Variants in FAM135B observed in about 807,000 individuals in gnomAD.
FAM135B encodes the protein family with sequence similarity 135 member B, also known as protein FAM135B.
In FAM135B, 43 loss-of-function variants were observed where a neutral mutation model predicts 127.7. That is an observed-to-expected ratio of 0.34 (90% CI 0.26 to 0.43). The LOEUF (loss-of-function observed/expected upper bound fraction) is 0.43, where lower values mean the gene tolerates loss of function less well. Ranked by LOEUF, FAM135B falls within the 20% of genes least tolerant of loss-of-function variation. The pLI is 1.00. For synonymous variants in FAM135B, 670 were observed against 665.1 expected, an observed-to-expected ratio of 1.01 and a Z score of -0.11; for missense variants, 1,558 against 1,725.6, an observed-to-expected ratio of 0.90 and a Z score of 1.72.
intron 1 of FAM135B, among the ~76,000 whole-genome samples, chr8:138,384,147 G>A (rs1379789108): frequency 2.0e-5 from 3 of 152,292 alleles, no homozygotes; most frequent in Non-Finnish European, 2.9e-5. Flanking sequence ...TGGATGTCCG[G>A]TGCATAGCAT....
At chr8:138,158,884 C>T (rs1181353421) in intron 12 of FAM135B, among the ~76,000 whole-genome samples, 11 of 152,122 alleles carry the variant, frequency 7.2e-5, no homozygotes, top group Non-Finnish European at 8.8e-5. Flanking sequence ...GACAGTGTGG[C>T]GATTCCTCAA....
chr8:138,239,691 C>T (rs1158997320), intron 7 of FAM135B, among the ~76,000 whole-genome samples: 1 of 152,180 alleles, frequency 6.6e-6, no homozygotes, highest in African/African-American at 2.4e-5. Context: ...TATAAAGACA[C>T]ATGCACATGT....
chr8:138,210,977 A>G (rs1042280068), intron 7 of FAM135B, among the ~76,000 whole-genome samples: 3 of 152,076 alleles, frequency 2.0e-5, no homozygotes, highest in Non-Finnish European at 4.4e-5. Flanking sequence ...TCAAAATTGG[A>G]CCATCAGTAT....
At chr8:138,469,547 A>G (rs1837564834) in intron 1 of FAM135B, among the ~76,000 whole-genome samples, 1 of 152,194 alleles carries the variant, frequency 6.6e-6, no homozygotes, top group Admixed American at 6.5e-5. Flanking sequence ...GAAAGCATTA[A>G]GCTCACCTAT....
intron 3 of FAM135B, among the ~76,000 whole-genome samples, chr8:138,299,492 G>A (rs1825716200): frequency 6.6e-6 from 1 of 152,106 alleles, no homozygotes; most frequent in Non-Finnish European, 1.5e-5. Context: ...GTTTGCCTTG[G>A]CTGCCAACGG....
chr8:138,416,765 C>CTCCAA lies in FAM135B; in HGVS notation c.-19-48768_-19-48764dup, dbSNP rs536699934. ...CCAAATCATCAAGAAGATTAGCACA[C>CTCCAA]TCCAAACAGATCTCCAGAAAGAAGG... On this transcript the variant is annotated intron_variant, in intron 1 of 19. Coordinates refer to ENST00000395297, the MANE Select transcript of FAM135B (RefSeq NM_015912.4). 1.7e-3 allele frequency among the ~76,000 whole-genome samples: 255 copies of CTCCAA among 152,146 alleles called. 1 individual carries two copies. Among genetic ancestry groups the CTCCAA allele is most frequent in the African/African-American group, 5.9e-3 (245 of 41,508 alleles).
intron 7 of FAM135B, among the ~76,000 whole-genome samples, chr8:138,217,713 G>A (rs1021485832): frequency 6.6e-6 from 1 of 152,264 alleles, no homozygotes; most frequent in South Asian, 2.1e-4. Flanking sequence ...TTACAGGCGT[G>A]AGCCACCATG....
chr8:138,230,268 T>C (rs1198574976), intron 7 of FAM135B, among the ~76,000 whole-genome samples: 3 of 152,190 alleles, frequency 2.0e-5, no homozygotes, highest in Non-Finnish European at 4.4e-5. Flanking sequence ...GGAGCAGCCC[T>C]AGGCTCATGA....
chr8:138,318,234 T>G (rs1019169396), intron 2 of FAM135B, among the ~76,000 whole-genome samples: 9 of 152,212 alleles, frequency 5.9e-5, no homozygotes, highest in African/African-American at 1.9e-4. Context: ...TAGTATTTCT[T>G]TAATAAAAGA....
At chr8:138,220,842 A>G (rs1336745457) in intron 7 of FAM135B, among the ~76,000 whole-genome samples, 1 of 152,216 alleles carries the variant, frequency 6.6e-6, no homozygotes, top group Non-Finnish European at 1.5e-5. Context: ...AGTCTCATAT[A>G]AAAAGGAGAG....
chr8:138,407,454 A>G (rs1222900860), intron 1 of FAM135B, among the ~76,000 whole-genome samples: 10 of 152,218 alleles, frequency 6.6e-5, no homozygotes, highest in Non-Finnish European at 1.0e-4. Flanking sequence ...CGCCAAGTCA[A>G]TCCTAAGCCA....
intron 1 of FAM135B, among the ~76,000 whole-genome samples, chr8:138,475,739 G>T (rs1190053590): frequency 2.0e-5 from 3 of 152,176 alleles, no homozygotes; most frequent in Non-Finnish European, 4.4e-5. Flanking sequence ...CAAAATGCTG[G>T]TGAGGATGTG....
At chr8:138,353,602 G>T (rs1199784854) in intron 2 of FAM135B, among the ~76,000 whole-genome samples, 1 of 152,068 alleles carries the variant, frequency 6.6e-6, no homozygotes, top group Non-Finnish European at 1.5e-5. Flanking sequence ...ATAAAATTTA[G>T]ACTTCATAAT....
intron 12 of FAM135B, among the ~76,000 whole-genome samples, chr8:138,163,273 A>G (rs1819572704): frequency 6.6e-6 from 1 of 152,198 alleles, no homozygotes; most frequent in South Asian, 2.1e-4. Context: ...CAATCTGACA[A>G]TCTGGCTAAC....
chr8:138,236,867 A>G lies in FAM135B; in HGVS notation c.669+6075T>C, dbSNP rs116042145. 2.4e-3 allele frequency among the ~76,000 whole-genome samples: 365 copies of G among 152,320 alleles called. 1 individual carries two copies. The highest frequency in any genetic ancestry group is 8.2e-3 in the African/African-American group (340 of 41,576). On this transcript the variant is annotated intron_variant, in intron 7 of 19. Coordinates refer to ENST00000395297, the MANE Select transcript of FAM135B (RefSeq NM_015912.4). ...CCATTAAGGGTTGGCACTGAGTTTT[A>G]TTCATTGTCTTAGTCCCTGCAGCTC...
At chr8:138,445,661 A>G (rs1248002136) in intron 1 of FAM135B, among the ~76,000 whole-genome samples, 1 of 152,212 alleles carries the variant, frequency 6.6e-6, no homozygotes, top group African/African-American at 2.4e-5. Flanking sequence ...TCTCAAAATA[A>G]TAAGAGCTAT....
intron 1 of FAM135B, among the ~76,000 whole-genome samples, chr8:138,381,536 G>T (rs1047325249): frequency 1.3e-5 from 2 of 152,170 alleles, no homozygotes; most frequent in Non-Finnish European, 2.9e-5. Flanking sequence ...TAAATTGAAG[G>T]ACAGCCATGG....
intron 4 of FAM135B, among the ~76,000 whole-genome samples, chr8:138,263,472 G>A (rs547938685): frequency 2.6e-5 from 4 of 152,322 alleles, no homozygotes; most frequent in African/African-American, 9.6e-5. Flanking sequence ...CACATAGCAG[G>A]TGGGACAGCA....
intron 12 of FAM135B, among the ~76,000 whole-genome samples, chr8:138,155,692 A>G (rs928185332): frequency 1.3e-5 from 2 of 152,212 alleles, no homozygotes; most frequent in African/African-American, 4.8e-5. Context: ...ACCAAAAAAG[A>G]CAAAGAAAGC....
Sources: gnomAD v4.1 joint callset for allele counts (sites outside exome capture counted in the v4.1 genomes callset) on GRCh38, gnomAD v4.1.1 for gene constraint, MANE v1.5 for transcripts, NCBI Gene and HGNC (gene_info 2026-07-23, HGNC 2026-07-21) for gene names.